ORC3: variants seen among roughly 807,000 people sequenced by gnomAD.
ORC3 encodes homolog of latheo, Drosophila.
Under a neutral mutation model 100.7 loss-of-function variants are expected in ORC3, and 78 were observed. The observed-to-expected ratio is 0.77, with a 90% confidence interval of 0.65 to 0.94. ORC3 has a LOEUF of 0.94. Ranked by LOEUF, ORC3 falls within the 40% of genes least tolerant of loss-of-function variation. The pLI, the probability that ORC3 is intolerant of heterozygous loss-of-function variation, is 0.00. For missense variants in ORC3, 789 were observed against 823.9 expected (o/e 0.96, Z 0.52); for synonymous variants, 295 against 289.3 (o/e 1.02, Z -0.20).
chr6:87,633,390 T>C (rs966477774), intron 11 of ORC3, among the ~76,000 whole-genome samples: 1 of 152,214 alleles, frequency 6.6e-6, no homozygotes, highest in East Asian at 1.9e-4. Flanking sequence ...ACTTTTGTTA[T>C]GATAGGAGAT....
At chr6:87,592,573 G>A (rs1480939774) in intron 1 of ORC3, among the ~76,000 whole-genome samples, 1 of 152,074 alleles carries the variant, frequency 6.6e-6, no homozygotes, top group East Asian at 1.9e-4. Context: ...AGGTTACAGT[G>A]AGCCAAGATT....
the ORC3 span, chr6:87,675,460 G>C: frequency 7.3e-6 from 9 of 1,225,280 alleles, no homozygotes; most frequent in African/African-American, 3.0e-5. Flanking sequence ...TGCTGCCTAA[G>C]AGTGGTTGCC....
At chr6:87,666,385 C>T (rs1210525859) in intron 19 of ORC3, among the ~76,000 whole-genome samples, 3 of 150,294 alleles carry the variant, frequency 2.0e-5, no homozygotes, top group African/African-American at 7.4e-5. Context: ...CCGCCTTGGC[C>T]TCCCAAAGTG....
chr6:87,666,935 C>T, intron 19 of ORC3, 83 bp from the exon 20 acceptor site: 1 of 741,222 alleles, frequency 1.3e-6, no homozygotes, highest in Admixed American at 2.6e-5. Context: ...CTTCATTTTA[C>T]CAACTAGTAT....
intron 7 of ORC3, 102 bp from the exon 8 acceptor site, chr6:87,611,987 T>C (rs1778804951): frequency 1.8e-6 from 2 of 1,083,354 alleles, no homozygotes; most frequent in South Asian, 1.5e-5. Flanking sequence ...CAGTGTCTTA[T>C]AAAGTAAGCA....
chr6:87,641,799 C>G (rs1287472827), intron 13 of ORC3, among the ~76,000 whole-genome samples: 2 of 152,126 alleles, frequency 1.3e-5, no homozygotes, highest in African/African-American at 4.8e-5. Context: ...CATTTGATCA[C>G]TTCAGCTTAG....
At chr6:87,624,590 CAAT>C (rs1441914411) in intron 11 of ORC3, among the ~76,000 whole-genome samples, 1 of 152,068 alleles carries the variant, frequency 6.6e-6, no homozygotes, top group African/African-American at 2.4e-5. Flanking sequence ...AAATACATGA[CAAT>C]AATGTGGTAC....
At chr6:87,629,306 A>G (rs1476167335) in intron 11 of ORC3, among the ~76,000 whole-genome samples, 1 of 152,242 alleles carries the variant, frequency 6.6e-6, no homozygotes, top group Admixed American at 6.5e-5. Context: ...AAGAAATTAC[A>G]GAAGTTTATA....
chr6:87,626,862 T>C (rs769054909), intron 11 of ORC3, among the ~76,000 whole-genome samples: 2 of 151,978 alleles, frequency 1.3e-5, no homozygotes, highest in Non-Finnish European at 2.9e-5. Context: ...CAAAGTTTGT[T>C]CAGCAAATAA....
intron 10 of ORC3, 145 bp from the exon 11 acceptor site, chr6:87,621,805 C>T (rs1779552054): frequency 5.0e-6 from 3 of 605,062 alleles, no homozygotes; most frequent in South Asian, 2.2e-5. Context: ...ACCATTAAAC[C>T]ATAAATGTCA....
chr6:87,653,054 A>C, intron 13 of ORC3, 62 bp from the exon 14 acceptor site: 1 of 1,299,252 alleles, frequency 7.7e-7, no homozygotes, highest in South Asian at 1.6e-5. Flanking sequence ...TATTAAATAA[A>C]ATGTTTTTTA....
chr6:87,643,141 C>G (rs896051159), intron 13 of ORC3, among the ~76,000 whole-genome samples: 1 of 151,300 alleles, frequency 6.6e-6, no homozygotes, highest in Non-Finnish European at 1.5e-5. Flanking sequence ...TAATGGTTTC[C>G]AGGCTTCAAT....
At chr6:87,621,123 G>A (rs1779500991) in intron 9 of ORC3, among the ~76,000 whole-genome samples, 1 of 152,018 alleles carries the variant, frequency 6.6e-6, no homozygotes, top group Non-Finnish European at 1.5e-5. Context: ...ATCTTAGTTT[G>A]TATTTCAAAG....
chr6:87,648,767 C>T (rs1769008346), intron 13 of ORC3, among the ~76,000 whole-genome samples: 1 of 152,176 alleles, frequency 6.6e-6, no homozygotes, highest in African/African-American at 2.4e-5. Context: ...CATTGTTTCT[C>T]ATCACTATAT....
At chr6:87,662,723 A>G (rs536252900) in intron 16 of ORC3, among the ~76,000 whole-genome samples, 1 of 152,180 alleles carries the variant, frequency 6.6e-6, no homozygotes, top group Non-Finnish European at 1.5e-5. Flanking sequence ...AGCTTCTTAT[A>G]AAGAGTCTAG....
At chr6:87,623,172 A>G (rs1246471999) in intron 11 of ORC3, among the ~76,000 whole-genome samples, 1 of 152,226 alleles carries the variant, frequency 6.6e-6, no homozygotes, top group Non-Finnish European at 1.5e-5. Flanking sequence ...CTCCATTGGT[A>G]ATTTATGCCC....
Position 87,603,425 on chromosome 6 carries a change from G to A in ORC3, c.219G>A (p.Leu73=). The A allele has an allele frequency of 6.5e-7, 1 of 1,531,934 alleles. No homozygotes were observed. Among genetic ancestry groups the A allele is most frequent in the Non-Finnish European group, 8.9e-7 (1 of 1,121,546 alleles). The allele number at this position is 1,531,934 out of a possible 1,614,324, so 94.9% of individuals were successfully genotyped here. A position where few individuals can be genotyped will look rare whatever the true frequency, so the allele number is the denominator to read the frequency against. The change falls in exon 4 of 20, where the codon CTG becomes CTA. Residue 73 remains leucine, a synonymous_variant. Coordinates refer to ENST00000392844, the MANE Select transcript of ORC3 (RefSeq NM_012381.4). ...EELNKNLFDN[L]IEFLQKSHSG... The stretch of plus-strand genomic sequence containing the variant: ...TAAATAAAAACTTGTTTGACAATCT[G>A]ATTGAATTTCTGCAAAAATCACATT...
rs1256558604 is a variant in ORC3, at chr6:87,653,096, T to C, written c.1383-20T>C. The C allele has an allele frequency of 6.4e-7, 1 of 1,556,720 alleles. No individual in the cohort carries two copies. The highest frequency in any genetic ancestry group is 1.2e-5 in the South Asian group (1 of 82,852). On this transcript the variant is annotated intron_variant, in intron 13 of 19. Transcript: ENST00000392844. ...AATTTTCTAGTTATATTACATTTCC[T>C]GTCACTGACTCTGTTCTAGGATGTT...
intron 11 of ORC3, among the ~76,000 whole-genome samples, chr6:87,626,056 G>A (rs1033984594): frequency 6.6e-6 from 1 of 152,092 alleles, no homozygotes; most frequent in Non-Finnish European, 1.5e-5. Flanking sequence ...TCTCTGTTTT[G>A]GTACCAGTAC....
Sources: allele counts gnomAD v4.1 joint callset (sites outside exome capture counted in the v4.1 genomes callset), GRCh38; gene constraint gnomAD v4.1.1; transcripts MANE v1.5; gene names NCBI Gene and HGNC (gene_info 2026-07-23, HGNC 2026-07-21).